The following RPUSD4 variants were observed in gnomAD, a reference collection of about 807,000 sequenced individuals.
RPUSD4 encodes the protein pseudouridylate synthase RPUSD4, mitochondrial.
A neutral mutation model predicts 35.4 loss-of-function variants in RPUSD4; 37 were observed. The observed-to-expected ratio is 1.04, with a 90% CI of 0.80 to 1.37. The LOEUF (loss-of-function observed/expected upper bound fraction) is 1.37, where lower values mean the gene tolerates loss of function less well. Ranked by LOEUF, RPUSD4 falls within the 40% of genes most tolerant of loss-of-function variation. The pLI is 0.00. For missense variants in RPUSD4, 507 were observed against 484.9 expected (o/e 1.05, Z -0.43); for synonymous variants, 210 against 192.7 (o/e 1.09, Z -0.74).
intron 2 of RPUSD4, among the ~76,000 whole-genome samples, chr11:126,210,551 C>CACACA (rs369874015): frequency 0.21 from 30,832 of 145,376 alleles, 3,714 homozygotes; most frequent in Non-Finnish European, 0.26. Flanking sequence ...ACACACACAC[C>CACACA]CCCTTTTTTC....
chr11:126,208,021 T>C (rs1227775953), intron 3 of RPUSD4, among the ~76,000 whole-genome samples: 1 of 151,520 alleles, frequency 6.6e-6, no homozygotes, highest in Non-Finnish European at 1.5e-5. Context: ...AAATAGAAAA[T>C]ATCTTTTTTT....
rs35662702 is a variant in RPUSD4, at chr11:126,203,554, C to A, written c.998G>T (p.Gly333Val). 9.0e-4 allele frequency: 1,450 copies of A among 1,614,162 alleles called. 4 individuals are homozygous for A. The African/African-American group carries it at 0.015, about 16-fold the overall frequency. Residue 333 changes from glycine (G) to valine (V), a missense_variant, in exon 7 of 7, where the codon GGG (glycine) becomes GTG (valine). Gly to Val is a moderately radical substitution (Grantham distance 109, BLOSUM62 -3). Coordinates refer to ENST00000298317, the MANE Select transcript of RPUSD4 (RefSeq NM_032795.3). ...CAAGTTGAGTTCCTCCTTCCCGGAC[C>A]CCAGGGCAGGCAGGATCAGCTGCCG... is the stretch of plus-strand genomic sequence containing the variant. ...HARQLILPALGSGKEELNLVC... is the reference protein window; with the variant it reads ...HARQLILPALVSGKEELNLVC...
chr11:126,208,646 GATAT>G (rs147146741), intron 3 of RPUSD4: 21 of 152,130 alleles, frequency 1.4e-4, no homozygotes, highest in Non-Finnish European at 2.1e-4. Context: ...TGTACAATGT[GATAT>G]ATATATAGAT....
intron 3 of RPUSD4, 183 bp from the exon 4 acceptor site, chr11:126,205,964 A>G (rs1000218423): frequency 2.1e-6 from 1 of 482,818 alleles, no homozygotes. Context: ...TCACAAGCTT[A>G]TCTTTTTTAC....
chr11:126,206,642 T>C (rs1949777628), intron 3 of RPUSD4: 1 of 152,230 alleles, frequency 6.6e-6, no homozygotes, highest in East Asian at 1.9e-4. Context: ...CTCCCTCCCA[T>C]GACCTCATGA....
chr11:126,211,530 C>T lies in RPUSD4; in HGVS notation c.109G>A (p.Ala37Thr). 6.2e-7 allele frequency: 1 copy of T among 1,613,940 alleles called. No individual in the cohort carries two copies. The highest frequency in any genetic ancestry group is 2.2e-5 in the East Asian group (1 of 44,868). The change falls in exon 1 of 7, where the codon GCC (alanine) becomes ACC (threonine). Residue 37 changes from alanine to threonine, a missense_variant. Coordinates refer to ENST00000298317, the MANE Select transcript of RPUSD4 (RefSeq NM_032795.3). Reference sequence around the variant, plus strand: ...CTCTGGGCATTTATGGCCGTAGAGGCAGCGGCAGCGGCACAAAATGGCTTT... The same window carrying T: ...CTCTGGGCATTTATGGCCGTAGAGGTAGCGGCAGCGGCACAAAATGGCTTT... The part of the protein sequence containing the change: ...VSKPFCAAAA[A>T]STAINAQRLA...
At chr11:126,210,520 T>TACATACATACATACACACACACAC (rs746246254) in intron 2 of RPUSD4, among the ~76,000 whole-genome samples, 8 of 60,248 alleles carry the variant, frequency 1.3e-4, no homozygotes, top group East Asian at 1.5e-3. Flanking sequence ...CCAACATACA[T>TACATACATACATACACACACACAC]ACACACACAC....
rs1338836880 is a variant in RPUSD4 at position 126,205,567 on chromosome 11, T to G, written c.697A>C (p.Lys233Gln). The G allele has an allele frequency of 6.2e-7, 1 of 1,614,172 alleles. No individual in the cohort carries two copies. The highest frequency in any genetic ancestry group is 1.3e-5 in the African/African-American group (1 of 74,954). Residue 233 changes from lysine to glutamine, a missense_variant, in exon 5 of 7, where the codon AAA (lysine) becomes CAA (glutamine). Coordinates refer to ENST00000298317, the MANE Select transcript of RPUSD4 (RefSeq NM_032795.3). ...TGCGCATTCCGGCTGCGCCGCACTT[T>G]CACCATTTTCCCATCGTCCATGCGG... ...SYRMDDGKMV[K>Q]VRRSRNAQVA...
chr11:126,207,976 T>C (rs1449977936), intron 3 of RPUSD4, among the ~76,000 whole-genome samples: 3 of 151,802 alleles, frequency 2.0e-5, no homozygotes, highest in African/African-American at 7.2e-5. Flanking sequence ...GTAAAAAACA[T>C]GTAAATTGAT....
At chr11:126,211,147 AATGACT>A (rs1459493980) in intron 1 of RPUSD4, 92 bp from the exon 2 acceptor site, 1 of 1,440,488 alleles carries the variant, frequency 6.9e-7, no homozygotes, top group African/African-American at 1.4e-5. Flanking sequence ...CTGAGTAGGG[AATGACT>A]ATCTTTGCAT....
chr11:126,208,331 G>A (rs1949795759), intron 3 of RPUSD4, among the ~76,000 whole-genome samples: 1 of 152,184 alleles, frequency 6.6e-6, no homozygotes, highest in South Asian at 2.1e-4. Context: ...AGCTCTAAAC[G>A]TATGACACAA....
chr11:126,210,571 A>G (rs1439141949), intron 2 of RPUSD4, among the ~76,000 whole-genome samples: 1 of 146,640 alleles, frequency 6.8e-6, no homozygotes, highest in African/African-American at 2.5e-5. Context: ...CTTATGTATC[A>G]TTTTCTCATT....
chr11:126,211,047 T>C lies in RPUSD4; in HGVS notation c.198A>G (p.Thr66=). 3 of 1,613,086 alleles carry C rather than the reference T, an allele frequency of 1.9e-6. No homozygotes were observed. Among genetic ancestry groups the C allele is most frequent in the Non-Finnish European group, 2.5e-6 (3 of 1,179,970 alleles). The part of the protein sequence containing the change: ...EQDTKKEPVS[T]NAVQRRVQEI... The stretch of plus-strand genomic sequence containing the variant: ...CTTGCACTCTCCGCTGAACAGCGTT[T>C]GTGGACACCTAGGGAGAAAGAAGGA... The change falls in exon 2 of 7, where the codon ACA becomes ACG. Residue 66 remains threonine, a synonymous_variant. Coordinates refer to ENST00000298317, the MANE Select transcript of RPUSD4 (RefSeq NM_032795.3).
In RPUSD4 at chr11:126,210,960, C is replaced by A; in HGVS notation, c.285G>T (p.Leu95=). The change falls in exon 2 of 7, where the codon CTG becomes CTT. Residue 95 remains leucine, a synonymous_variant. Coordinates refer to ENST00000298317, the MANE Select transcript of RPUSD4 (RefSeq NM_032795.3). ...TGTCCTGGTGGAGAATTCCTCGGGT[C>A]AGTGCCTTAGCAAGCACGTTGGGGT... ...RVHPNVLAKA[L]TRGILHQDKN... 6.2e-7 allele frequency: 1 copy of A among 1,614,116 alleles called. No homozygotes were observed. Among genetic ancestry groups the A allele is most frequent in the South Asian group, 1.1e-5 (1 of 91,074 alleles).
chr11:126,211,345 C>T, intron 1 of RPUSD4, 105 bp downstream of exon 1: 2 of 1,273,068 alleles, frequency 1.6e-6, no homozygotes, highest in South Asian at 1.4e-5. Flanking sequence ...TGCGTCCGGG[C>T]TATTGACTCA....
Position 126,203,266 on chromosome 11 carries a change from C to G in RPUSD4, c.*152G>C, listed in dbSNP as rs1591486466. The stretch of plus-strand genomic sequence containing the variant: ...TAGCAGCTGAGTTGCTTTACCTTAT[C>G]CCACCTGGCTCTTACGCAGTCTGTT... On this transcript the variant is annotated 3_prime_UTR_variant, in exon 7 of 7. Coordinates refer to ENST00000298317, the MANE Select transcript of RPUSD4 (RefSeq NM_032795.3). 7 of 1,135,164 alleles carry G rather than the reference C, an allele frequency of 6.2e-6. No individual in the cohort carries two copies. The highest frequency in any genetic ancestry group is 2.3e-5 in the Admixed American group (1 of 43,942). 70.3% of individuals were successfully genotyped at this position (1,135,164 alleles called of 1,614,324 possible). A position where few individuals can be genotyped will look rare whatever the true frequency, so the allele number is the denominator to read the frequency against.
Position 126,203,597 on chromosome 11 carries a change from G to A in RPUSD4, c.955C>T (p.Pro319Ser). ...AGCTGCCGGGCGTGCAGGTGAAGGG[G>A]GATGTAGCGGGCCTTCGACTGTTCT... Reference protein sequence around the residue: ...GLEQSKARYIPLHLHARQLIL... With the variant: ...GLEQSKARYISLHLHARQLIL... Residue 319 changes from proline (P) to serine (S), a missense_variant, in exon 7 of 7, where the codon CCC (proline) becomes TCC (serine). By Grantham distance (74) the Pro-to-Ser change is moderately conservative. Coordinates refer to ENST00000298317, the MANE Select transcript of RPUSD4 (RefSeq NM_032795.3). 1 of 1,614,196 alleles carries A rather than the reference G, an allele frequency of 6.2e-7. No individual in the cohort carries two copies. The highest frequency in any genetic ancestry group is 1.3e-5 in the African/African-American group (1 of 75,048).
rs7932376 is a variant in RPUSD4 at position 126,204,947 on chromosome 11, A to G, written c.796+521T>C. On this transcript the variant is annotated intron_variant, in intron 5 of 6. Transcript: ENST00000298317. Reference sequence around the variant, plus strand: ...TACCTCACATGAGTGGAATCATATAATATTTGCCCTTTTGTGCCTGGCTTA... The same window carrying G: ...TACCTCACATGAGTGGAATCATATAGTATTTGCCCTTTTGTGCCTGGCTTA... 7.4e-3 allele frequency among the ~76,000 whole-genome samples: 1,121 copies of G among 152,338 alleles called. 10 individuals are homozygous for G. The highest frequency in any genetic ancestry group is 0.026 in the African/African-American group (1,070 of 41,572).
chr11:126,203,402 G>A lies in RPUSD4; in HGVS notation c.*16C>T, dbSNP rs763821932. ...TCTTCACTGTGCTCCCAGGTGCCAG[G>A]GTGCTCCCATGGTCTTCACTGTGCT... On this transcript the variant is annotated 3_prime_UTR_variant, in exon 7 of 7. Transcript: ENST00000298317. The A allele has an allele frequency of 1.3e-4, 212 of 1,608,432 alleles. No homozygotes were observed. The highest frequency in any genetic ancestry group is 1.7e-4 in the Non-Finnish European group (196 of 1,178,754).
Sources: gnomAD v4.1 joint callset for allele counts (sites outside exome capture counted in the v4.1 genomes callset) on GRCh38, gnomAD v4.1.1 for gene constraint, MANE v1.5 for transcripts, NCBI Gene and HGNC (gene_info 2026-07-23, HGNC 2026-07-21) for gene names.